GAD2: variants seen among roughly 807,000 people sequenced by gnomAD.
The protein encoded by GAD2 is glutamate decarboxylase 2.
GAD2 carries 22 observed loss-of-function variants against 80.1 expected under a neutral mutation model. That is an observed-to-expected ratio of 0.27 (90% CI 0.20 to 0.39). The LOEUF (loss-of-function observed/expected upper bound fraction) is 0.39. Ranked by LOEUF, GAD2 falls within the 10% of genes least tolerant of loss-of-function variation. The pLI, the probability that GAD2 is intolerant of heterozygous loss-of-function variation, is 1.00. For synonymous variants in GAD2, 274 were observed against 256.9 expected, an observed-to-expected ratio of 1.07 and a Z score of -0.64; for missense variants, 624 against 738.4, an observed-to-expected ratio of 0.85 and a Z score of 1.80.
intron 7 of GAD2, among the ~76,000 whole-genome samples, chr10:26,244,150 C>T (rs1455444501): frequency 6.6e-6 from 1 of 152,170 alleles, no homozygotes; most frequent in Non-Finnish European, 1.5e-5. Flanking sequence ...CCTCACGGAT[C>T]GTTAGGGAAA....
chr10:26,269,195 T>C, intron 9 of GAD2, 22 bp downstream of exon 9: 1 of 1,579,842 alleles, frequency 6.3e-7, no homozygotes, highest in Non-Finnish European at 8.6e-7. Context: ...CCGGGAGCTT[T>C]ATCCAGCCCA....
At chr10:26,252,719 C>T (rs1256009878) in intron 8 of GAD2, among the ~76,000 whole-genome samples, 11 of 151,446 alleles carry the variant, frequency 7.3e-5, no homozygotes, top group Non-Finnish European at 1.2e-4. Flanking sequence ...AGTGCAATGG[C>T]GCAACCTTGG....
chr10:26,245,991 G>A lies in GAD2; in HGVS notation c.911G>A (p.Cys304Tyr). Residue 304 changes from cysteine to tyrosine, a missense_variant, in exon 8 of 16, where the codon TGT becomes TAT. Coordinates refer to ENST00000376261, the MANE Select transcript of GAD2 (RefSeq NM_001134366.2). Reference protein sequence around the residue: ...IGTDSVILIKCDERGKMIPSD... With the variant: ...IGTDSVILIKYDERGKMIPSD... ...ACAGACAGCGTGATTCTGATTAAAT[G>A]TGATGAGAGGTGAGCACGCATCGGC... 1 of 1,613,930 alleles carries A rather than the reference G, an allele frequency of 6.2e-7. No individual in the cohort carries two copies. The highest frequency in any genetic ancestry group is 8.5e-7 in the Non-Finnish European group (1 of 1,179,814).
chr10:26,243,724 G>C (rs1564660697), intron 7 of GAD2, among the ~76,000 whole-genome samples: 1 of 152,242 alleles, frequency 6.6e-6, no homozygotes, highest in Admixed American at 6.5e-5. Flanking sequence ...CCTGACTCAG[G>C]CTTGGCAGTT....
intron 8 of GAD2, among the ~76,000 whole-genome samples, chr10:26,258,464 C>T (rs1402017571): frequency 6.6e-6 from 1 of 152,200 alleles, no homozygotes; most frequent in Non-Finnish European, 1.5e-5. Context: ...GTGCAACCAT[C>T]ATCAATATTC....
Position 26,234,216 on chromosome 10 carries a change from C to T in GAD2, c.840+4439C>T, listed in dbSNP as rs570788853. The stretch of plus-strand genomic sequence containing the variant: ...GTTGGCGCCTGTAATCCCAGCTACT[C>T]GGGAGGCTGAGGCAGGAGAATCACT... On this transcript the variant is annotated intron_variant, in intron 7 of 15. Coordinates refer to ENST00000376261, the MANE Select transcript of GAD2 (RefSeq NM_001134366.2). Among the ~76,000 whole-genome samples, 12 of 151,172 alleles carry T rather than the reference C, an allele frequency of 7.9e-5. No homozygotes were observed. The South Asian group carries it at 1.3e-3, about 16-fold the overall frequency.
At chr10:26,227,890 G>C (rs1036947631) in intron 6 of GAD2, among the ~76,000 whole-genome samples, 1 of 152,228 alleles carries the variant, frequency 6.6e-6, no homozygotes, top group African/African-American at 2.4e-5. Context: ...TATCTCTAGA[G>C]TCCAGAAAGG....
At chr10:26,222,059 ATCTC>A (rs1355434537) in intron 4 of GAD2, among the ~76,000 whole-genome samples, 4 of 152,156 alleles carry the variant, frequency 2.6e-5, no homozygotes, top group African/African-American at 7.2e-5. Flanking sequence ...CTGTCAAACT[ATCTC>A]CCTCCCTATT....
At chr10:26,283,452 A>T (rs1845295881) in intron 12 of GAD2, among the ~76,000 whole-genome samples, 1 of 152,252 alleles carries the variant, frequency 6.6e-6, no homozygotes, top group African/African-American at 2.4e-5. Context: ...TTGTTTCTAC[A>T]GCTAAATTGT....
intron 11 of GAD2, among the ~76,000 whole-genome samples, chr10:26,278,960 A>G (rs1845241986): frequency 6.6e-6 from 1 of 152,000 alleles, no homozygotes; most frequent in South Asian, 2.1e-4. Context: ...GAACTGGATG[A>G]GCCCACGTCC....
chr10:26,267,612 G>A (rs74126405), intron 8 of GAD2, among the ~76,000 whole-genome samples: 2,896 of 151,984 alleles, frequency 0.019, 95 homozygotes, highest in African/African-American at 0.066. Context: ...TTCCATTCCA[G>A]CCTGACAAAC....
At position 26,234,772 on chromosome 10, in the gene GAD2, C is replaced by G. The variant is rs73594332; in HGVS notation, c.840+4995C>G. Among the ~76,000 whole-genome samples the G allele has an allele frequency of 1.7e-3, 256 of 152,300 alleles. 1 individual carries two copies. Among genetic ancestry groups the G allele is most frequent in the African/African-American group, 5.9e-3 (244 of 41,566 alleles). ...TAGCATAGTGGCCAGCCCAAGACTG[C>G]TCTTTCAACTACTGGGTTGGATGTC... is the stretch of plus-strand genomic sequence containing the variant. On this transcript the variant is annotated intron_variant, in intron 7 of 15. Transcript: ENST00000376261.
chr10:26,259,177 A>G (rs1323647047), intron 8 of GAD2, among the ~76,000 whole-genome samples: 1 of 152,218 alleles, frequency 6.6e-6, no homozygotes, highest in Non-Finnish European at 1.5e-5. Flanking sequence ...GAAAAATTAC[A>G]TCTTCAAGAC....
intron 6 of GAD2, among the ~76,000 whole-genome samples, chr10:26,226,370 C>A (rs777512422): frequency 1.3e-5 from 2 of 152,212 alleles, no homozygotes; most frequent in African/African-American, 4.8e-5. Flanking sequence ...TCAGCTTGAG[C>A]ATGGGAATTA....
rs75016021 is a variant in GAD2, at chr10:26,264,606, C to T, written c.921-4513C>T. Reference sequence around the variant, plus strand: ...ATAACAGGCGTGGAGCCACCATGCCCGGCCCAGATTTCAAGCTTTTAACCA... The same window carrying T: ...ATAACAGGCGTGGAGCCACCATGCCTGGCCCAGATTTCAAGCTTTTAACCA... On this transcript the variant is annotated intron_variant, in intron 8 of 15. Coordinates refer to ENST00000376261, the MANE Select transcript of GAD2 (RefSeq NM_001134366.2). 1.9e-3 allele frequency among the ~76,000 whole-genome samples: 287 copies of T among 152,226 alleles called. 3 individuals carry two copies. The highest frequency in any genetic ancestry group is 6.6e-3 in the African/African-American group (276 of 41,534).
At chr10:26,260,929 C>T (rs8190698) in intron 8 of GAD2, among the ~76,000 whole-genome samples, 107 of 152,236 alleles carry the variant, frequency 7.0e-4, no homozygotes, top group Admixed American at 4.8e-3. Context: ...GGTGTATATA[C>T]TTATGGGGTA....
rs563091823 is a variant in GAD2 at position 26,260,002 on chromosome 10, T to C, written c.921-9117T>C. Reference sequence around the variant, plus strand: ...CAAATAAAAGAACCTAGATATAATCTGTCATAGTATTTGATGGCATGTAGT... The same window carrying C: ...CAAATAAAAGAACCTAGATATAATCCGTCATAGTATTTGATGGCATGTAGT... On this transcript the variant is annotated intron_variant, in intron 8 of 15. Coordinates refer to ENST00000376261, the MANE Select transcript of GAD2 (RefSeq NM_001134366.2). Among the ~76,000 whole-genome samples the C allele has an allele frequency of 6.6e-5, 10 of 152,324 alleles. No individual in the cohort carries two copies. In the South Asian group the frequency reaches 2.1e-3, roughly 32 times the overall value.
At chr10:26,233,127 T>C (rs1323925940) in intron 7 of GAD2, among the ~76,000 whole-genome samples, 2 of 152,202 alleles carry the variant, frequency 1.3e-5, no homozygotes, top group Non-Finnish European at 2.9e-5. Flanking sequence ...GTTATCTGCA[T>C]TTTACAAATG....
intron 7 of GAD2, among the ~76,000 whole-genome samples, chr10:26,239,444 C>T (rs74129131): frequency 0.027 from 4,180 of 152,128 alleles, 210 homozygotes; most frequent in African/African-American, 0.095. Flanking sequence ...CCACGGAGTC[C>T]ACCAGAGCCA....
Sources: gnomAD v4.1 joint callset for allele counts (sites outside exome capture counted in the v4.1 genomes callset) on GRCh38, gnomAD v4.1.1 for gene constraint, MANE v1.5 for transcripts, NCBI Gene and HGNC (gene_info 2026-07-23, HGNC 2026-07-21) for gene names.